Variants in AKAP13 observed in about 807,000 individuals in gnomAD.
AKAP13 encodes the protein A-kinase anchor protein 13.
AKAP13 carries 80 observed loss-of-function variants against 264.5 expected under a neutral mutation model. That is an observed-to-expected ratio of 0.30 (90% confidence interval 0.25 to 0.36). The LOEUF (loss-of-function observed/expected upper bound fraction) is 0.36. Among genes scored for constraint, AKAP13 ranks in the 10% least tolerant of loss-of-function variants. The pLI is 1.00. For synonymous variants in AKAP13, 1,380 were observed against 1,250.2 expected, an observed-to-expected ratio of 1.10 and a Z score of -2.19; for missense variants, 3,712 against 3,435.2, an observed-to-expected ratio of 1.08 and a Z score of -2.01.
intron 1 of AKAP13, among the ~76,000 whole-genome samples, chr15:85,396,021 T>TACAC (rs57665297): frequency 0.015 from 2,206 of 150,544 alleles, 32 homozygotes; most frequent in South Asian, 0.028. Context: ...TATACATACA[T>TACAC]ACACACACAC....
At chr15:85,492,057 A>G (rs1437031518) in intron 2 of AKAP13, among the ~76,000 whole-genome samples, 1 of 152,216 alleles carries the variant, frequency 6.6e-6, no homozygotes, top group African/African-American at 2.4e-5. Flanking sequence ...CTATATACCA[A>G]GATGTCTTAT....
chr15:85,396,421 G>A (rs1219935599), intron 1 of AKAP13, among the ~76,000 whole-genome samples: 1 of 152,160 alleles, frequency 6.6e-6, no homozygotes, highest in Non-Finnish European at 1.5e-5. Flanking sequence ...GTTCACAGTA[G>A]AACGGTAGAA....
chr15:85,730,443 C>G, intron 29 of AKAP13, 70 bp from the exon 30 acceptor site: 1 of 1,508,680 alleles, frequency 6.6e-7, no homozygotes, highest in Non-Finnish European at 9.1e-7. Flanking sequence ...CAAGGTGGTG[C>G]TCGTGTCTTA....
At chr15:85,691,485 G>A (rs1163699227) in intron 16 of AKAP13, among the ~76,000 whole-genome samples, 1 of 152,126 alleles carries the variant, frequency 6.6e-6, no homozygotes, top group Non-Finnish European at 1.5e-5. Flanking sequence ...ATTCCTTTCC[G>A]TTCCTCTTCA....
intron 8 of AKAP13, 93 bp from the exon 9 acceptor site, chr15:85,639,281 A>G (rs56092539): frequency 0.25 from 219,358 of 887,076 alleles, 31,043 homozygotes; most frequent in Middle Eastern, 0.37. Flanking sequence ...AGAAAAAGAT[A>G]GGAATGTTGG....
At chr15:85,676,080 T>A (rs1275029767) in intron 14 of AKAP13, among the ~76,000 whole-genome samples, 2 of 151,994 alleles carry the variant, frequency 1.3e-5, no homozygotes, top group Admixed American at 1.3e-4. Context: ...CCCAGCTAAT[T>A]TTTTGTATTT....
intron 13 of AKAP13, among the ~76,000 whole-genome samples, chr15:85,669,229 C>G (rs2083778574): frequency 1.3e-5 from 2 of 151,932 alleles, no homozygotes; most frequent in Admixed American, 6.6e-5. Context: ...CAGAGTGAGA[C>G]TCTGTCTAAA....
chr15:85,489,719 G>A (rs1203685791), intron 2 of AKAP13, among the ~76,000 whole-genome samples: 1 of 152,116 alleles, frequency 6.6e-6, no homozygotes, highest in African/African-American at 2.4e-5. Flanking sequence ...CAAATAGGCT[G>A]GACTCCAAAT....
At chr15:85,440,466 C>T (rs1340139848) in intron 1 of AKAP13, among the ~76,000 whole-genome samples, 1 of 152,084 alleles carries the variant, frequency 6.6e-6, no homozygotes, top group Non-Finnish European at 1.5e-5. Context: ...GACTTTGATA[C>T]TGAAGAGCTG....
At chr15:85,626,364 A>G (rs2081410989) in intron 8 of AKAP13, among the ~76,000 whole-genome samples, 1 of 152,196 alleles carries the variant, frequency 6.6e-6, no homozygotes, top group East Asian at 1.9e-4. Flanking sequence ...ACTTTTTCAT[A>G]TTCCCAAACT....
Position 85,727,323 on chromosome 15 carries a change from GAC to G in AKAP13, c.7005-57_7005-56del, listed in dbSNP as rs1178093923. On this transcript the variant is annotated intron_variant, in intron 28 of 36. Transcript: ENST00000394518. This position sits in a 1 kb window ranked among gnomAD's most constrained non-coding sequence, Gnocchi z 5.3. The stretch of plus-strand genomic sequence containing the variant: ...GTGATTTCATAACAGGCTGGACTGT[GAC>G]CAGAGTAATTGACATCTTAGGAATT... The G allele has an allele frequency of 1.2e-6, 2 of 1,613,264 alleles. No individual in the cohort carries two copies. Among genetic ancestry groups the G allele is most frequent in the Admixed American group, 3.3e-5 (2 of 59,988 alleles).
Position 85,727,678 on chromosome 15 carries a change from A to G in AKAP13, c.7087+215A>G, listed in dbSNP as rs1056879788. Reference sequence around the variant, plus strand: ...GAATGGCTGCAAGGATGTTTCCAGTACTGGATCAAGAGAATATTGATTCTC... The same window carrying G: ...GAATGGCTGCAAGGATGTTTCCAGTGCTGGATCAAGAGAATATTGATTCTC... On this transcript the variant is annotated intron_variant, in intron 29 of 36. Transcript: ENST00000394518. The surrounding 1 kb of genome is among the most constrained non-coding windows in gnomAD (Gnocchi z 5.3). 2.0e-5 allele frequency among the ~76,000 whole-genome samples: 3 copies of G among 152,210 alleles called. No homozygotes were observed.
At chr15:85,500,928 CTCTT>C (rs1312999472) in intron 2 of AKAP13, among the ~76,000 whole-genome samples, 3 of 152,152 alleles carry the variant, frequency 2.0e-5, no homozygotes, top group Non-Finnish European at 2.9e-5. Context: ...TCAGCTGTCT[CTCTT>C]TGTTTTGTCC....
chr15:85,535,973 G>C (rs949101849), intron 4 of AKAP13: 1 of 152,012 alleles, frequency 6.6e-6, no homozygotes, highest in African/African-American at 2.4e-5. Flanking sequence ...CTGCTTTTTT[G>C]TGTGTTTTAG....
At chr15:85,555,347 G>T in intron 5 of AKAP13, 2 of 1,051,444 alleles carry the variant, frequency 1.9e-6, no homozygotes. Context: ...AGATGCTGCA[G>T]TTCCTTGTCA....
Position 85,708,132 on chromosome 15 carries a change from A to C in AKAP13, c.5532+46A>C. On this transcript the variant is annotated intron_variant, in intron 18 of 36. Transcript: ENST00000394518. The surrounding 1 kb of genome is among the most constrained non-coding windows in gnomAD (Gnocchi z 4.3). ...CAAGGCTTAAAATAAAAGGGTTTAAACCAGCAAAATCCTCGGGAGTTGGGA... is the reference window on the plus strand; with the variant it reads ...CAAGGCTTAAAATAAAAGGGTTTAACCCAGCAAAATCCTCGGGAGTTGGGA... The C allele has an allele frequency of 8.2e-6, 13 of 1,585,428 alleles. No homozygotes were observed. The highest frequency in any genetic ancestry group is 1.1e-5 in the Non-Finnish European group (13 of 1,158,224).
Position 85,581,582 on chromosome 15 carries a change from G to A in AKAP13, c.3514G>A (p.Gly1172Ser), listed in dbSNP as rs765390622. 7 of 1,614,016 alleles carry A rather than the reference G, an allele frequency of 4.3e-6. No individual in the cohort carries two copies. The Admixed American group carries it at 1.2e-4, about 27-fold the overall frequency. ...GGGAGCAGACCACAGCTGTACCATGGGTGACGCTGAGGAAGCCCAAATAGA... is the reference window on the plus strand; with the variant it reads ...GGGAGCAGACCACAGCTGTACCATGAGTGACGCTGAGGAAGCCCAAATAGA... ...LEGADHSCTMGDAEEAQIDDE... is the reference protein window; with the variant it reads ...LEGADHSCTMSDAEEAQIDDE... Residue 1172 changes from glycine to serine, a missense_variant, in exon 7 of 37, where the codon GGT becomes AGT. This residue lies in a region of AKAP13 where 2,759 missense variants were observed against 2,411.7 expected (regional missense o/e 1.14). Coordinates refer to ENST00000394518, the MANE Select transcript of AKAP13 (RefSeq NM_007200.5).
chr15:85,571,834 A>C lies in AKAP13; in HGVS notation c.663-3297A>C, dbSNP rs141645950. 6.3e-3 allele frequency among the ~76,000 whole-genome samples: 965 copies of C among 152,348 alleles called. 11 individuals carry two copies. Among genetic ancestry groups the C allele is most frequent in the African/African-American group, 0.022 (904 of 41,576 alleles). ...TTTGGAAGAGTGTCAGTAGCAACAG[A>C]TATTCATGGAAGCCAGTGGGAAGAT... On this transcript the variant is annotated intron_variant, in intron 5 of 36. Coordinates refer to ENST00000394518, the MANE Select transcript of AKAP13 (RefSeq NM_007200.5).
intron 1 of AKAP13, among the ~76,000 whole-genome samples, chr15:85,417,581 G>C (rs1405522221): frequency 1.3e-5 from 2 of 152,176 alleles, no homozygotes; most frequent in African/African-American, 4.8e-5. Flanking sequence ...AGAACAATCT[G>C]TTGTTAGCCC....
Sources: gnomAD v4.1 joint callset for allele counts (sites outside exome capture counted in the v4.1 genomes callset) on GRCh38, gnomAD v4.1.1 for gene constraint, gnomAD v4.1.1 regional missense constraint, Gnocchi (gnomAD v3.1) non-coding constraint, MANE v1.5 for transcripts, NCBI Gene and HGNC (gene_info 2026-07-23, HGNC 2026-07-21) for gene names.